The following SARDH variants were observed in gnomAD, a reference collection of about 807,000 sequenced individuals.
SARDH encodes sarcosine dehydrogenase.
A neutral mutation model predicts 109.1 loss-of-function variants in SARDH; 95 were observed. The observed-to-expected ratio is 0.87, with a 90% CI of 0.74 to 1.03. The LOEUF is 1.03. Among genes scored for constraint, SARDH ranks in the 50% least tolerant of loss-of-function variants. The pLI is 0.00. For missense variants in SARDH, 1,267 were observed against 1,287.8 expected (o/e 0.98, Z 0.25); for synonymous variants, 572 against 534.8 (o/e 1.07, Z -0.96).
rs376154676 is a variant in SARDH, at chr9:133,703,045, G to C, written c.1555-16C>G. 4.8e-4 allele frequency: 773 copies of C among 1,603,092 alleles called. 4 individuals carry two copies. Among genetic ancestry groups the C allele is most frequent in the Non-Finnish European group, 3.4e-4 (398 of 1,174,340 alleles). Reference sequence around the variant, plus strand: ...ACTCGAGGACCTGGGAAGAAAAGACGTGGTCCTCAGCCTGCCTCTTTGGCC... The same window carrying C: ...ACTCGAGGACCTGGGAAGAAAAGACCTGGTCCTCAGCCTGCCTCTTTGGCC... On this transcript the variant is annotated splice_polypyrimidine_tract_variant and intron_variant, in intron 12 of 20. Transcript: ENST00000439388.
rs1831148551 is a variant in SARDH at position 133,692,795 on chromosome 9, T to C, written c.1921+1463A>G. On this transcript the variant is annotated intron_variant, in intron 15 of 20. Coordinates refer to ENST00000439388, the MANE Select transcript of SARDH (RefSeq NM_001134707.2). The surrounding 1 kb of genome is among the most constrained non-coding windows in gnomAD (Gnocchi z 5.0). ...GGGAACGAGCGAAGGAACGAGCTCA[T>C]GGATCCATGAGGCACGAGCGCTGTG... Among the ~76,000 whole-genome samples, 1 of 152,168 alleles carries C rather than the reference T, an allele frequency of 6.6e-6. No homozygotes were observed.
intron 6 of SARDH, 37 bp downstream of exon 6, chr9:133,729,728 C>T (rs1296324258): frequency 1.3e-6 from 2 of 1,570,758 alleles, no homozygotes; most frequent in Non-Finnish European, 1.7e-6. Context: ...TCTGTGCCCC[C>T]CACAGACTGA....
chr9:133,706,224 T>G (rs1831692156), intron 11 of SARDH, among the ~76,000 whole-genome samples: 1 of 149,094 alleles, frequency 6.7e-6, no homozygotes, highest in African/African-American at 2.5e-5. Context: ...CCTCAGCTGA[T>G]GAGTGGATCA....
At chr9:133,729,657 C>T (rs1005615216) in intron 6 of SARDH, 108 bp downstream of exon 6, 3 of 846,164 alleles carry the variant, frequency 3.5e-6, no homozygotes, top group Non-Finnish European at 5.7e-6. Flanking sequence ...AGGCTTGGGG[C>T]AGTGAGGGGA....
chr9:133,667,682 G>A (rs76326337), intron 19 of SARDH, among the ~76,000 whole-genome samples: 99 of 152,184 alleles, frequency 6.5e-4, no homozygotes, highest in Non-Finnish European at 7.5e-4. Flanking sequence ...TTATCACGGC[G>A]GCAGCTATGC....
At chr9:133,661,489 TG>T (rs780912283), downstream of SARDH, among the ~76,000 whole-genome samples, 44 of 151,192 alleles carry the variant, frequency 2.9e-4, no homozygotes, top group East Asian at 7.8e-4. Flanking sequence ...TTCTTTTTTT[TG>T]TTGTTTTTGA....
At chr9:133,702,848 C>T (rs1288968284) in intron 13 of SARDH, 68 bp downstream of exon 13, 4 of 1,456,124 alleles carry the variant, frequency 2.7e-6, no homozygotes, top group East Asian at 2.3e-5. Flanking sequence ...CAGCCGAGGG[C>T]CGGCGCAATG....
chr9:133,710,843 G>A (rs967064727), intron 10 of SARDH, among the ~76,000 whole-genome samples: 2 of 152,256 alleles, frequency 1.3e-5, no homozygotes, highest in Admixed American at 6.5e-5. Flanking sequence ...CGTCAGTGAC[G>A]GCTGGGCTGA....
At chr9:133,739,033 C>A (rs1301874736), upstream of SARDH, among the ~76,000 whole-genome samples, 1 of 152,188 alleles carries the variant, frequency 6.6e-6, no homozygotes, top group Admixed American at 6.5e-5. Context: ...ACACAGCAAG[C>A]TGGTGGAGGA....
chr9:133,661,379 C>T (rs967425997), downstream of SARDH, among the ~76,000 whole-genome samples: 1 of 151,868 alleles, frequency 6.6e-6, no homozygotes, highest in Non-Finnish European at 1.5e-5. Flanking sequence ...CAAAATGGAA[C>T]CTTTCTGCGT....
chr9:133,717,299 C>T (rs1442434641), intron 8 of SARDH, 27 bp downstream of exon 8: 1 of 1,612,682 alleles, frequency 6.2e-7, no homozygotes, highest in Admixed American at 1.7e-5. Flanking sequence ...CATGGACGCC[C>T]ACCCCAGCTC....
chr9:133,659,840 C>T (rs543177721), downstream of SARDH, among the ~76,000 whole-genome samples: 2 of 152,274 alleles, frequency 1.3e-5, no homozygotes, highest in Admixed American at 6.5e-5. Context: ...ACAGTAGACA[C>T]GGAGCAGGCC....
chr9:133,738,470 G>C (rs1832958321), upstream of SARDH: 1 of 152,264 alleles, frequency 6.6e-6, no homozygotes, highest in Admixed American at 6.5e-5. Flanking sequence ...TTCTAGGCCA[G>C]CCCTGTGGGC....
Position 133,718,490 on chromosome 9 carries a change from T to C in SARDH, c.1020+448A>G, listed in dbSNP as rs1048507574. ...GCAGTTTTTAGCCCAAAGTAGCCAC[T>C]CAGTCGTTCCATGTGTGGACTAAAT... is the stretch of plus-strand genomic sequence containing the variant. On this transcript the variant is annotated intron_variant, in intron 7 of 20. Coordinates refer to ENST00000439388, the MANE Select transcript of SARDH (RefSeq NM_001134707.2). This position sits in a 1 kb window ranked among gnomAD's most constrained non-coding sequence, Gnocchi z 4.2. The C allele has an allele frequency of 3.6e-5, 19 of 523,322 alleles. No individual in the cohort carries two copies. Among genetic ancestry groups the C allele is most frequent in the African/African-American group, 3.0e-4 (16 of 52,472 alleles). 32.4% of individuals were successfully genotyped at this position (523,322 alleles called of 1,614,324 possible). A position where few individuals can be genotyped will look rare whatever the true frequency, so the allele number is the denominator to read the frequency against.
intron 14 of SARDH, among the ~76,000 whole-genome samples, chr9:133,694,812 G>A (rs758677797): frequency 5.3e-5 from 8 of 152,212 alleles, no homozygotes; most frequent in Non-Finnish European, 8.8e-5. Flanking sequence ...ATGGACAGAT[G>A]GGAAGGTGGG....
rs569239221 is a variant in SARDH at position 133,704,235 on chromosome 9, G to T, written c.1554+713C>A. ...AGCTCTGGAGCCTGGCCTGGGCTGT[G>T]GGTTGCCATGGGGATGGAAGGTGGG... On this transcript the variant is annotated intron_variant, in intron 12 of 20. Transcript: ENST00000439388. This position sits in a 1 kb window ranked among gnomAD's most constrained non-coding sequence, Gnocchi z 4.5. Among the ~76,000 whole-genome samples, 2 of 152,296 alleles carry T rather than the reference G, an allele frequency of 1.3e-5. No homozygotes were observed. The highest frequency in any genetic ancestry group is 3.9e-4 in the East Asian group (2 of 5,178).
At position 133,719,014 on chromosome 9, in the gene SARDH, G is replaced by A. The variant is rs761066457; in HGVS notation, c.944C>T (p.Ala315Val). 6.2e-7 allele frequency: 1 copy of A among 1,614,170 alleles called. No individual in the cohort carries two copies. The highest frequency in any genetic ancestry group is 2.2e-5 in the East Asian group (1 of 44,878). ...QNMPNVRDHDASVYLRLQGDA... is the reference protein window; with the variant it reads ...QNMPNVRDHDVSVYLRLQGDA... Reference sequence around the variant, plus strand: ...CCCTTGGAGGCGGAGGTAGACAGAGGCATCATGATCACGGACATTGGGCAT... The same window carrying A: ...CCCTTGGAGGCGGAGGTAGACAGAGACATCATGATCACGGACATTGGGCAT... Residue 315 changes from alanine (A) to valine (V), a missense_variant, in exon 7 of 21, where the codon GCC (alanine) becomes GTC (valine). Transcript: ENST00000439388.
rs1829956318 is a variant in SARDH, at chr9:133,663,645, C to G, written c.*244G>C. 3 of 548,266 alleles carry G rather than the reference C, an allele frequency of 5.5e-6. No individual in the cohort carries two copies. The South Asian group carries it at 7.4e-5, about 13-fold the overall frequency. The allele number at this position is 548,266 out of a possible 1,614,324, so 34.0% of individuals were successfully genotyped here. A position where few individuals can be genotyped will look rare whatever the true frequency, so the allele number is the denominator to read the frequency against. The stretch of plus-strand genomic sequence containing the variant: ...CAAGCCATGGTCCCTGAGCCCAAGA[C>G]ACTTACAGGTTTGCTTTCTGGGAGG... On this transcript the variant is annotated 3_prime_UTR_variant, in exon 21 of 21. Coordinates refer to ENST00000439388, the MANE Select transcript of SARDH (RefSeq NM_001134707.2).
intron 3 of SARDH, 135 bp downstream of exon 3, chr9:133,732,288 C>T: frequency 1.7e-6 from 1 of 594,448 alleles, no homozygotes; most frequent in Non-Finnish European, 2.7e-6. Context: ...CGGACATGAA[C>T]CCCCAGCGTA....
Sources: allele counts gnomAD v4.1 joint callset (sites outside exome capture counted in the v4.1 genomes callset), GRCh38; gene constraint gnomAD v4.1.1; non-coding constraint Gnocchi (gnomAD v3.1); transcripts MANE v1.5; gene names NCBI Gene and HGNC (gene_info 2026-07-23, HGNC 2026-07-21).